Variants in RARB observed in about 807,000 individuals in gnomAD.
RARB encodes HBV-activated protein.
A neutral mutation model predicts 51.9 loss-of-function variants in RARB; 17 were observed. The observed-to-expected ratio is 0.33, with a 90% CI of 0.22 to 0.49. RARB has a LOEUF of 0.49. RARB is among the 20% of genes least tolerant of loss of function. The probability of loss-of-function intolerance (pLI) is 0.99; values close to 1 mark genes in which losing one functional copy is unlikely to be tolerated. For synonymous variants in RARB, 215 were observed against 195.4 expected (o/e 1.10, Z -0.84); for missense variants, 369 against 550.8 (o/e 0.67, Z 3.30).
At chr3:24,915,721 G>A (rs191588387) in intron 2 of RARB, among the ~76,000 whole-genome samples, 1 of 152,296 alleles carries the variant, frequency 6.6e-6, no homozygotes, top group African/African-American at 2.4e-5. Context: ...TATGTGACAT[G>A]AGGTGACTTT....
chr3:25,298,422 C>G (rs1004762411), intron 5 of RARB, among the ~76,000 whole-genome samples: 1 of 152,060 alleles, frequency 6.6e-6, no homozygotes, highest in South Asian at 2.1e-4. Flanking sequence ...CCTCGTGACC[C>G]ACCTGCCTTG....
intron 5 of RARB, among the ~76,000 whole-genome samples, chr3:25,393,640 G>C (rs1368751277): frequency 6.6e-6 from 1 of 151,930 alleles, no homozygotes; most frequent in South Asian, 2.1e-4. Context: ...CCAGGAATTT[G>C]TTCATCTCCT....
rs574016081 is a variant in RARB, at chr3:25,017,547, A to G, written c.-379-42578A>G. Among the ~76,000 whole-genome samples the G allele has an allele frequency of 3.3e-5, 5 of 152,276 alleles. No individual in the cohort carries two copies. In the East Asian group the frequency reaches 5.8e-4, roughly 18 times the overall value. ...TAAGGAAGCAGTACACCTAATAACT[A>G]TCTTAACTTCAGCTGTTTGATTGAT... On this transcript the variant is annotated intron_variant, in intron 2 of 11. Coordinates refer to the RARB transcript ENST00000383772.
intron 2 of RARB, among the ~76,000 whole-genome samples, chr3:24,859,989 A>G (rs1702716999): frequency 6.6e-6 from 1 of 152,166 alleles, no homozygotes; most frequent in Admixed American, 6.5e-5. Context: ...GGGTGGAAGG[A>G]TGGATTTGGT....
At chr3:25,041,850 GAATT>G (rs1698121640) in intron 2 of RARB, among the ~76,000 whole-genome samples, 1 of 152,064 alleles carries the variant, frequency 6.6e-6, no homozygotes. Flanking sequence ...TATTAATTCA[GAATT>G]AATTAAATTT....
intron 5 of RARB, among the ~76,000 whole-genome samples, chr3:25,381,618 G>A (rs946622681): frequency 6.6e-6 from 1 of 152,180 alleles, no homozygotes; most frequent in African/African-American, 2.4e-5. Flanking sequence ...GGAAACAGAT[G>A]TTTTGAGAAA....
At chr3:25,411,640 T>G (rs1707564919) in intron 5 of RARB, among the ~76,000 whole-genome samples, 1 of 152,170 alleles carries the variant, frequency 6.6e-6, no homozygotes, top group African/African-American at 2.4e-5. Context: ...TCCCAGACAC[T>G]CAAATCGCCC....
intron 4 of RARB, among the ~76,000 whole-genome samples, chr3:25,575,756 C>A (rs903901162): frequency 2.6e-5 from 4 of 152,166 alleles, no homozygotes; most frequent in African/African-American, 9.7e-5. Context: ...CTTGATTACC[C>A]CTATAAAGAC....
intron 5 of RARB, among the ~76,000 whole-genome samples, chr3:25,328,365 C>T (rs762568592): frequency 1.3e-5 from 2 of 152,124 alleles, no homozygotes; most frequent in Admixed American, 1.3e-4. Context: ...ACTAAAAATA[C>T]AAAAATTAGC....
At chr3:25,094,628 G>A (rs1174638466) in intron 3 of RARB, among the ~76,000 whole-genome samples, 1 of 143,872 alleles carries the variant, frequency 7.0e-6, no homozygotes, top group Non-Finnish European at 1.5e-5. Context: ...TTAGGGAGAG[G>A]ATGGCTTGAG....
At chr3:25,314,079 A>C (rs540912553) in intron 5 of RARB, among the ~76,000 whole-genome samples, 31 of 152,222 alleles carry the variant, frequency 2.0e-4, no homozygotes, top group South Asian at 4.2e-4. Flanking sequence ...TCAACAACAA[A>C]AAAAAATTAA....
chr3:25,357,214 G>C (rs1212015989), intron 5 of RARB, among the ~76,000 whole-genome samples: 1 of 152,168 alleles, frequency 6.6e-6, no homozygotes, highest in Non-Finnish European at 1.5e-5. Flanking sequence ...ATTCTAACTA[G>C]CATGAGATGG....
At chr3:25,359,953 T>G (rs1177237075) in intron 5 of RARB, among the ~76,000 whole-genome samples, 4 of 152,220 alleles carry the variant, frequency 2.6e-5, no homozygotes, top group African/African-American at 9.6e-5. Context: ...TATATTCTGT[T>G]GATTTGAGGT....
chr3:25,399,297 A>G (rs1022340095), intron 5 of RARB, among the ~76,000 whole-genome samples: 4 of 152,124 alleles, frequency 2.6e-5, no homozygotes, highest in Non-Finnish European at 4.4e-5. Flanking sequence ...TGCTAAAAGT[A>G]TCTTTATTTT....
At chr3:25,524,606 C>T (rs997404880) in intron 3 of RARB, among the ~76,000 whole-genome samples, 30 of 149,854 alleles carry the variant, frequency 2.0e-4, no homozygotes, top group African/African-American at 7.3e-4. Context: ...CCTTCTCTTC[C>T]CCCCTCCCTT....
chr3:25,257,442 G>C (rs1198057596), intron 5 of RARB, among the ~76,000 whole-genome samples: 1 of 152,012 alleles, frequency 6.6e-6, no homozygotes, highest in African/African-American at 2.4e-5. Context: ...ATTCTGGAAG[G>C]GCTGATCTCT....
chr3:25,369,445 A>G (rs1706232680), intron 5 of RARB, among the ~76,000 whole-genome samples: 1 of 152,210 alleles, frequency 6.6e-6, no homozygotes, highest in Middle Eastern at 3.2e-3. Flanking sequence ...CAGAGCAGCT[A>G]GATTCTGTGG....
chr3:25,583,138 C>T (rs972869231), intron 5 of RARB, among the ~76,000 whole-genome samples: 2 of 152,142 alleles, frequency 1.3e-5, no homozygotes, highest in Admixed American at 1.3e-4. Context: ...TCATACCAGA[C>T]AAAGTTCGAA....
intron 5 of RARB, among the ~76,000 whole-genome samples, chr3:25,282,268 C>G (rs774078987): frequency 1.3e-4 from 20 of 152,200 alleles, no homozygotes; most frequent in Non-Finnish European, 2.8e-4. Context: ...TCCCCAGTCA[C>G]ACTCCCAGTG....
Sources: gnomAD v4.1 joint callset for allele counts (sites outside exome capture counted in the v4.1 genomes callset) on GRCh38, gnomAD v4.1.1 for gene constraint, MANE v1.5 for transcripts, NCBI Gene and HGNC (gene_info 2026-07-23, HGNC 2026-07-21) for gene names.